The following NBEA variants were observed in gnomAD, a reference collection of about 807,000 sequenced individuals.
The protein encoded by NBEA is lysosomal-trafficking regulator 2.
A neutral mutation model predicts 343.4 loss-of-function variants in NBEA; 44 were observed. The ratio of observed to expected loss-of-function variants is 0.13; its 90% confidence interval spans 0.10 to 0.16. The LOEUF is 0.16. NBEA is among the 10% of genes least tolerant of loss of function. NBEA has a pLI of 1.00. For missense variants in NBEA, 2,555 were observed against 3,631.3 expected (o/e 0.70, Z 7.62); for synonymous variants, 1,175 against 1,238.7 (o/e 0.95, Z 1.08).
chr13:34,948,472 C>T (rs1404414860), intron 1 of NBEA, among the ~76,000 whole-genome samples: 1 of 152,132 alleles, frequency 6.6e-6, no homozygotes, highest in Non-Finnish European at 1.5e-5. Context: ...GTTGGAGAAC[C>T]TAGAGTTCTT....
intron 48 of NBEA, among the ~76,000 whole-genome samples, chr13:35,624,629 A>G (rs2083140744): frequency 6.6e-6 from 1 of 152,136 alleles, no homozygotes; most frequent in African/African-American, 2.4e-5. Context: ...ATTCTAGCAC[A>G]TATTGAGATA....
At chr13:35,212,968 T>C (rs2152754569) in intron 33 of NBEA, among the ~76,000 whole-genome samples, 1 of 152,150 alleles carries the variant, frequency 6.6e-6, no homozygotes, top group East Asian at 1.9e-4. Flanking sequence ...TGGCTTTTCT[T>C]ATCATTATCA....
rs193215862 is a variant in NBEA at position 35,552,607 on chromosome 13, A to G, written c.6806+1575A>G. Among the ~76,000 whole-genome samples the G allele has an allele frequency of 7.9e-5, 12 of 152,274 alleles. No homozygotes were observed. The East Asian group carries it at 2.1e-3, about 27-fold the overall frequency. The stretch of plus-strand genomic sequence containing the variant: ...CTATTTGTTTAATCATCAATTCAAG[A>G]ATTTACTCAGGAATTGACATTAAGA... On this transcript the variant is annotated intron_variant, in intron 43 of 58. Coordinates refer to ENST00000379939, the MANE Select transcript of NBEA (RefSeq NM_001385012.1).
intron 36 of NBEA, among the ~76,000 whole-genome samples, chr13:35,341,123 A>G (rs978746499): frequency 6.6e-6 from 1 of 152,060 alleles, no homozygotes; most frequent in African/African-American, 2.4e-5. Flanking sequence ...AAGGTTGCCA[A>G]GACTTTTCAA....
chr13:34,972,835 C>T (rs909590967), intron 1 of NBEA, among the ~76,000 whole-genome samples: 1 of 152,102 alleles, frequency 6.6e-6, no homozygotes, highest in African/African-American at 2.4e-5. Context: ...CTACTTCTGC[C>T]CTTTCAGCCA....
intron 49 of NBEA, among the ~76,000 whole-genome samples, chr13:35,637,601 A>G (rs533106751): frequency 1.1e-4 from 17 of 152,172 alleles, no homozygotes; most frequent in Middle Eastern, 3.4e-3. Context: ...AGGCAGGCGG[A>G]TCACAAGGTC....
At chr13:35,309,830 A>G (rs570892485) in intron 36 of NBEA, among the ~76,000 whole-genome samples, 1 of 152,270 alleles carries the variant, frequency 6.6e-6, no homozygotes, top group South Asian at 2.1e-4. Context: ...TGAGATCTGA[A>G]GTACATTTTA....
At chr13:35,394,490 CAAAT>C (rs927416197) in intron 38 of NBEA, among the ~76,000 whole-genome samples, 1 of 151,784 alleles carries the variant, frequency 6.6e-6, no homozygotes, top group Non-Finnish European at 1.5e-5. Context: ...TTTTCCAAAT[CAAAT>C]AAAAAGTGGT....
chr13:35,079,673 T>A (rs2064287091), intron 10 of NBEA, among the ~76,000 whole-genome samples: 1 of 152,204 alleles, frequency 6.6e-6, no homozygotes, highest in South Asian at 2.1e-4. Flanking sequence ...GGTATCTTTT[T>A]ACCTAAGAAA....
rs2077837785 is a variant in NBEA, at chr13:35,523,842, T to G, written c.6586-26635T>G. On this transcript the variant is annotated intron_variant, in intron 41 of 58. Transcript: ENST00000379939. ...TTCACTTTTAAATTTTCTAATGATT[T>G]TTCTATTTATTTTAGCTATATTTCC... is the stretch of plus-strand genomic sequence containing the variant. Among the ~76,000 whole-genome samples, 3 of 152,188 alleles carry G rather than the reference T, an allele frequency of 2.0e-5. No individual in the cohort carries two copies. In the South Asian group the frequency reaches 6.2e-4, roughly 32 times the overall value.
At chr13:35,467,344 C>T (rs934793515) in intron 40 of NBEA, among the ~76,000 whole-genome samples, 1 of 151,974 alleles carries the variant, frequency 6.6e-6, no homozygotes, top group Non-Finnish European at 1.5e-5. Context: ...TGGTGGTATG[C>T]ACCTGTAATC....
At chr13:35,440,461 C>T (rs2045677919) in intron 39 of NBEA, among the ~76,000 whole-genome samples, 1 of 152,016 alleles carries the variant, frequency 6.6e-6, no homozygotes, top group African/African-American at 2.4e-5. Flanking sequence ...TATGGGAGCT[C>T]AGTAAAGAGG....
chr13:35,335,637 A>G (rs2039206326), intron 36 of NBEA, among the ~76,000 whole-genome samples: 1 of 152,086 alleles, frequency 6.6e-6, no homozygotes, highest in East Asian at 1.9e-4. Context: ...TTTTATTAGG[A>G]CACAACTTCG....
intron 48 of NBEA, among the ~76,000 whole-genome samples, chr13:35,608,179 T>C (rs2082361180): frequency 6.6e-6 from 1 of 152,096 alleles, no homozygotes; most frequent in South Asian, 2.1e-4. Context: ...TAATCTGCAA[T>C]GTGTTCTCCC....
At chr13:35,553,489 A>G (rs1316315547) in intron 43 of NBEA, among the ~76,000 whole-genome samples, 2 of 152,070 alleles carry the variant, frequency 1.3e-5, no homozygotes, top group Admixed American at 6.6e-5. Flanking sequence ...CTTAGTAGCA[A>G]TTCAATAAAT....
chr13:35,062,031 A>G (rs942406533), intron 8 of NBEA, among the ~76,000 whole-genome samples: 13 of 151,746 alleles, frequency 8.6e-5, no homozygotes, highest in African/African-American at 3.1e-4. Flanking sequence ...AAAAATAGGA[A>G]AATGTGACTT....
chr13:35,520,681 C>A (rs1340327922), intron 41 of NBEA, among the ~76,000 whole-genome samples: 1 of 152,100 alleles, frequency 6.6e-6, no homozygotes, highest in Non-Finnish European at 1.5e-5. Flanking sequence ...TTCTCTCTTC[C>A]AGTACTATTA....
intron 38 of NBEA, among the ~76,000 whole-genome samples, chr13:35,370,340 A>G (rs1448836739): frequency 6.6e-6 from 1 of 151,930 alleles, no homozygotes; most frequent in Non-Finnish European, 1.5e-5. Context: ...TTTATCTGAT[A>G]TAAGTATGGC....
rs1364641014 is a variant in NBEA, at chr13:35,176,962, T to C, written c.4555-34T>C. On this transcript the variant is annotated intron_variant, in intron 27 of 58. Transcript: ENST00000379939. ...ATACTTCTATATATTATCTGTAATA[T>C]ATTATCTATTCACAATTCTTTTTAT... 6 of 1,339,344 alleles carry C rather than the reference T, an allele frequency of 4.5e-6. No homozygotes were observed. The South Asian group carries it at 7.5e-5, about 17-fold the overall frequency. 83.0% of individuals were successfully genotyped at this position (1,339,344 alleles called of 1,614,324 possible). A position where few individuals can be genotyped will look rare whatever the true frequency, so the allele number is the denominator to read the frequency against.
Sources: gnomAD v4.1 joint callset for allele counts (sites outside exome capture counted in the v4.1 genomes callset) on GRCh38, gnomAD v4.1.1 for gene constraint, MANE v1.5 for transcripts, NCBI Gene and HGNC (gene_info 2026-07-23, HGNC 2026-07-21) for gene names.